Variants in PDE6D observed in about 807,000 individuals in gnomAD.
PDE6D encodes the protein retinal rod rhodopsin-sensitive cGMP 3',5'-cyclic phosphodiesterase subunit delta.
A neutral mutation model predicts 21.9 loss-of-function variants in PDE6D; 10 were observed. That is an observed-to-expected ratio of 0.46 (90% CI 0.28 to 0.78). The LOEUF is 0.78. Ranked by LOEUF, PDE6D falls within the 30% of genes least tolerant of loss-of-function variation. PDE6D has a pLI of 0.12. For missense variants in PDE6D, 139 were observed against 184.8 expected, an observed-to-expected ratio of 0.75 and a Z score of 1.44; for synonymous variants, 59 against 63.5, an observed-to-expected ratio of 0.93 and a Z score of 0.34.
At chr2:231,769,550 G>GTATA (rs375842151) in intron 1 of PDE6D, among the ~76,000 whole-genome samples, 9 of 149,854 alleles carry the variant, frequency 6.0e-5, no homozygotes, top group African/African-American at 1.7e-4. Context: ...ACAGAGATAT[G>GTATA]TATATATATA....
intron 1 of PDE6D, among the ~76,000 whole-genome samples, chr2:231,757,722 A>G (rs2048894155): frequency 6.6e-6 from 1 of 152,244 alleles, no homozygotes; most frequent in Non-Finnish European, 1.5e-5. Flanking sequence ...ATAATGAGAA[A>G]ATGTTCATAA....
rs536659338 is a variant in PDE6D at position 231,770,600 on chromosome 2, T to C, written c.50+10465A>G. On this transcript the variant is annotated intron_variant, in intron 1 of 4. Transcript: ENST00000287600. The stretch of plus-strand genomic sequence containing the variant: ...GGGGAGGCCAAGGCAGTCAGATCAC[T>C]TGAGCCCAAGAGTTCAAGACCAGCC... Among the ~76,000 whole-genome samples the C allele has an allele frequency of 2.0e-5, 3 of 152,278 alleles. No individual in the cohort carries two copies. In the South Asian group the frequency reaches 6.2e-4, roughly 32 times the overall value.
chr2:231,780,966 G>A (rs1438578169), intron 1 of PDE6D, 99 bp downstream of exon 1: 1 of 1,096,988 alleles, frequency 9.1e-7, no homozygotes, highest in Non-Finnish European at 1.4e-6. Context: ...CCCTTCTTCT[G>A]TGGGGCCCAC....
At chr2:231,765,739 A>C (rs1289008084) in intron 1 of PDE6D, among the ~76,000 whole-genome samples, 1 of 152,126 alleles carries the variant, frequency 6.6e-6, no homozygotes, top group Non-Finnish European at 1.5e-5. Flanking sequence ...TGGTATCCTG[A>C]GCATTTTCAT....
chr2:231,737,090 C>T (rs559749753), intron 4 of PDE6D, 97 bp downstream of exon 4: 195 of 653,548 alleles, frequency 3.0e-4, no homozygotes, highest in Non-Finnish European at 4.7e-4. Flanking sequence ...ATTTCTCAAC[C>T]GAGCTCTCTG....
At chr2:231,762,711 C>T (rs2048941067) in intron 1 of PDE6D, among the ~76,000 whole-genome samples, 2 of 151,988 alleles carry the variant, frequency 1.3e-5, no homozygotes, top group South Asian at 2.1e-4. Context: ...TCTTAATGGA[C>T]GTAGAAGGCT....
At chr2:231,765,148 C>T (rs1395208302) in intron 1 of PDE6D, among the ~76,000 whole-genome samples, 1 of 151,968 alleles carries the variant, frequency 6.6e-6, no homozygotes, top group African/African-American at 2.4e-5. Context: ...TGGTGCGTGC[C>T]TATAGTCCCA....
chr2:231,740,640 G>T (rs1377966790), intron 1 of PDE6D, among the ~76,000 whole-genome samples: 1 of 138,358 alleles, frequency 7.2e-6, no homozygotes, highest in East Asian at 2.1e-4. Flanking sequence ...GAGATCATGC[G>T]ACTGCACTCC....
chr2:231,762,360 TTTTA>T (rs1250988809), intron 1 of PDE6D, among the ~76,000 whole-genome samples: 3 of 149,604 alleles, frequency 2.0e-5, no homozygotes, highest in Non-Finnish European at 4.5e-5. Flanking sequence ...TTTTTTTTTT[TTTTA>T]GACACAGTCT....
chr2:231,773,786 GTA>G (rs1186332899), intron 1 of PDE6D, among the ~76,000 whole-genome samples: 3 of 152,066 alleles, frequency 2.0e-5, no homozygotes, highest in Non-Finnish European at 4.4e-5. Flanking sequence ...TAAACATGAG[GTA>G]TATATCAATG....
At chr2:231,772,960 G>A (rs535659625) in intron 1 of PDE6D, among the ~76,000 whole-genome samples, 3 of 152,260 alleles carry the variant, frequency 2.0e-5, no homozygotes, top group South Asian at 2.1e-4. Flanking sequence ...AAGTAAGGCC[G>A]GGCGTGGTGG....
At chr2:231,760,583 G>C (rs2048917920) in intron 1 of PDE6D, among the ~76,000 whole-genome samples, 1 of 152,028 alleles carries the variant, frequency 6.6e-6, no homozygotes, top group Non-Finnish European at 1.5e-5. Context: ...GACACCCCCA[G>C]CTATCCTGCA....
intron 1 of PDE6D, among the ~76,000 whole-genome samples, chr2:231,749,382 G>A (rs2048819819): frequency 6.6e-6 from 1 of 152,074 alleles, no homozygotes; most frequent in South Asian, 2.1e-4. Flanking sequence ...CATTTGGAAT[G>A]GCTGTATTTA....
intron 1 of PDE6D, among the ~76,000 whole-genome samples, chr2:231,762,299 ATTTTTTTTT>A (rs1054330030): frequency 1.1e-5 from 1 of 91,600 alleles, no homozygotes; most frequent in Non-Finnish European, 2.3e-5. Flanking sequence ...GAATGAAACT[ATTTTTTTTT>A]TTAAATCTGA....
At chr2:231,738,716 G>A (rs1464718274) in intron 2 of PDE6D, among the ~76,000 whole-genome samples, 3 of 151,918 alleles carry the variant, frequency 2.0e-5, no homozygotes. Flanking sequence ...CGGAGTTCGA[G>A]ACCAGGATGG....
chr2:231,769,822 T>A (rs1011322648), intron 1 of PDE6D, among the ~76,000 whole-genome samples: 1 of 152,158 alleles, frequency 6.6e-6, no homozygotes, highest in Non-Finnish European at 1.5e-5. Flanking sequence ...CTTATCTCAA[T>A]CCATAAATAC....
At chr2:231,780,985 G>A in intron 1 of PDE6D, 80 bp downstream of exon 1, 3 of 1,272,302 alleles carry the variant, frequency 2.4e-6, no homozygotes, top group African/African-American at 1.5e-5. Context: ...ACCTGGCGCG[G>A]CCCCCGCCCC....
rs116033116 is a variant in PDE6D at position 231,756,472 on chromosome 2, C to T, written c.51-17284G>A. Among the ~76,000 whole-genome samples, 933 of 152,146 alleles carry T rather than the reference C, an allele frequency of 6.1e-3. 10 individuals are homozygous for T. The highest frequency in any genetic ancestry group is 0.022 in the African/African-American group (898 of 41,500). ...ATTTGTTAAAGACAGGGTCTCACTC[C>T]GTCGCCTAGGCTGGAGTGCAATGGC... On this transcript the variant is annotated intron_variant, in intron 1 of 4. Transcript: ENST00000287600.
chr2:231,770,672 G>A (rs576519055), intron 1 of PDE6D, among the ~76,000 whole-genome samples: 125 of 152,170 alleles, frequency 8.2e-4, no homozygotes, highest in African/African-American at 2.9e-3. Flanking sequence ...ACAAAAATTG[G>A]CCGGGTATGG....
Sources: allele counts gnomAD v4.1 joint callset (sites outside exome capture counted in the v4.1 genomes callset), GRCh38; gene constraint gnomAD v4.1.1; transcripts MANE v1.5; gene names NCBI Gene and HGNC (gene_info 2026-07-23, HGNC 2026-07-21).